The following COL13A1 variants were observed in gnomAD, a reference collection of about 807,000 sequenced individuals.
COL13A1 encodes collagen alpha-1(XIII) chain.
COL13A1 carries 89 observed loss-of-function variants against 130.9 expected under a neutral mutation model. That is an observed-to-expected ratio of 0.68 (90% CI 0.57 to 0.81). The LOEUF (loss-of-function observed/expected upper bound fraction) is 0.81, where lower values mean the gene tolerates loss of function less well. Among genes scored for constraint, COL13A1 ranks in the 30% least tolerant of loss-of-function variants. The probability of loss-of-function intolerance (pLI) is 0.00; values close to 1 mark genes in which losing one functional copy is unlikely to be tolerated. For synonymous variants in COL13A1, 402 were observed against 341.6 expected (o/e 1.18, Z -1.95); for missense variants, 879 against 934.6 (o/e 0.94, Z 0.78).
intron 13 of COL13A1, 110 bp downstream of exon 13, chr10:69,895,686 AG>A: frequency 7.9e-7 from 1 of 1,261,562 alleles, no homozygotes; most frequent in Non-Finnish European, 1.2e-6. Flanking sequence ...ATCATGGGGG[AG>A]CAGGAGCACC....
intron 1 of COL13A1, among the ~76,000 whole-genome samples, chr10:69,814,011 G>T (rs1393125567): frequency 4.6e-5 from 7 of 152,152 alleles, no homozygotes. Context: ...GTTGGAGTGT[G>T]GATTGAGACA....
chr10:69,900,041 G>C (rs560328647), intron 14 of COL13A1, among the ~76,000 whole-genome samples: 1 of 152,110 alleles, frequency 6.6e-6, no homozygotes, highest in Non-Finnish European at 1.5e-5. Context: ...ATCTCATTAC[G>C]CCTGGCCAAA....
rs2062287307 is a variant in COL13A1, at chr10:69,902,465, C to T, written c.751-283C>T. On this transcript the variant is annotated intron_variant, in intron 14 of 40. Transcript: ENST00000645393. ...CAGGGGCTGTCTCCCACCCACTCCTCTGCCTCTGCCCCCCCGCAGAATGTC... is the reference window on the plus strand; with the variant it reads ...CAGGGGCTGTCTCCCACCCACTCCTTTGCCTCTGCCCCCCCGCAGAATGTC... 2.0e-5 allele frequency among the ~76,000 whole-genome samples: 3 copies of T among 152,328 alleles called. No individual in the cohort carries two copies. In the South Asian group the frequency reaches 6.2e-4, roughly 32 times the overall value.
At chr10:69,948,070 A>G (rs750465576) in intron 38 of COL13A1, among the ~76,000 whole-genome samples, 27 of 152,196 alleles carry the variant, frequency 1.8e-4, no homozygotes, top group Admixed American at 1.3e-4. Context: ...CTGCTGCATC[A>G]TGGGGCTTCC....
chr10:69,946,827 C>T (rs1204603525), intron 37 of COL13A1, among the ~76,000 whole-genome samples: 2 of 152,062 alleles, frequency 1.3e-5, no homozygotes, highest in African/African-American at 4.8e-5. Flanking sequence ...CTCACTCTGT[C>T]GCCAGGCTGG....
At chr10:69,894,035 A>T (rs1433493239) in intron 10 of COL13A1, among the ~76,000 whole-genome samples, 1 of 152,196 alleles carries the variant, frequency 6.6e-6, no homozygotes, top group Non-Finnish European at 1.5e-5. Flanking sequence ...TTCCTTGGAG[A>T]AGTCCAGAAC....
chr10:69,905,967 G>A (rs568451253), intron 17 of COL13A1, 145 bp downstream of exon 17: 19 of 873,130 alleles, frequency 2.2e-5, no homozygotes, highest in Admixed American at 1.7e-4. Context: ...CTGGCCCCCC[G>A]AGGGCCTGAT....
chr10:69,955,764 A>G (rs2070551042), intron 39 of COL13A1: 1 of 152,076 alleles, frequency 6.6e-6, no homozygotes. Flanking sequence ...GTAAAATGGC[A>G]TTTTCTTCCA....
intron 24 of COL13A1, among the ~76,000 whole-genome samples, chr10:69,924,742 A>G (rs1194634197): frequency 6.6e-6 from 1 of 152,082 alleles, no homozygotes; most frequent in Non-Finnish European, 1.5e-5. Context: ...GAACAGAAAG[A>G]ACGCCACCGA....
chr10:69,811,735 C>T (rs1843096543), intron 1 of COL13A1, among the ~76,000 whole-genome samples: 1 of 152,128 alleles, frequency 6.6e-6, no homozygotes, highest in African/African-American at 2.4e-5. Flanking sequence ...CTGACTGTTC[C>T]CTGGTAGGAC....
intron 1 of COL13A1, among the ~76,000 whole-genome samples, chr10:69,804,650 CTTTT>C (rs57012318): frequency 7.0e-6 from 1 of 142,340 alleles, no homozygotes; most frequent in African/African-American, 2.6e-5. Context: ...ATCCTGCCAC[CTTTT>C]TTTTTTTTTG....
chr10:69,823,497 G>A (rs1019229725), intron 2 of COL13A1, among the ~76,000 whole-genome samples: 3 of 152,228 alleles, frequency 2.0e-5, no homozygotes, highest in African/African-American at 7.2e-5. Context: ...ACGGTGGCAG[G>A]TGGCACTAGC....
At chr10:69,875,053 G>C (rs2059438705) in intron 4 of COL13A1, 75 bp from the exon 5 acceptor site, 1 of 1,597,008 alleles carries the variant, frequency 6.3e-7, no homozygotes, top group South Asian at 1.1e-5. Context: ...CAGGTGCACA[G>C]TTTGCCTATA....
intron 13 of COL13A1, chr10:69,897,427 C>G: frequency 6.3e-7 from 1 of 1,598,750 alleles, no homozygotes; most frequent in Non-Finnish European, 8.6e-7. Flanking sequence ...TCTCCCCTCA[C>G]GGTCCCTGTC....
At chr10:69,929,621 G>A (rs950225031) in intron 28 of COL13A1, among the ~76,000 whole-genome samples, 9 of 152,170 alleles carry the variant, frequency 5.9e-5, no homozygotes, top group African/African-American at 2.2e-4. Flanking sequence ...CCCAAAGAAG[G>A]GGCTTGGTTT....
rs772144553 is a variant in COL13A1, at chr10:69,925,859, A to G, written c.1385A>G (p.Asn462Ser). 45 of 1,596,620 alleles carry G rather than the reference A, an allele frequency of 2.8e-5. No homozygotes were observed. The highest frequency in any genetic ancestry group is 4.6e-5 in the South Asian group (4 of 87,416). The change falls in exon 26 of 41, where the codon AAT (asparagine) becomes AGT (serine). Residue 462 changes from asparagine (N) to serine (S), a missense_variant. This residue lies in a region of COL13A1 where 715 missense variants were observed against 721.0 expected (regional missense o/e 0.99). Transcript: ENST00000645393. ...GEMVDYNGNI[N>S]EALQEIRTLA... Reference sequence around the variant, plus strand: ...ATGGTGGATTACAATGGAAACATCAATGAGGCTCTCCAGGTGAGCAGGGTC... The same window carrying G: ...ATGGTGGATTACAATGGAAACATCAGTGAGGCTCTCCAGGTGAGCAGGGTC...
intron 2 of COL13A1, among the ~76,000 whole-genome samples, chr10:69,865,571 A>G (rs1365797854): frequency 1.3e-5 from 2 of 152,230 alleles, no homozygotes; most frequent in East Asian, 1.9e-4. Flanking sequence ...TAGCACCTGT[A>G]TAGCTCTTCC....
At chr10:69,938,376 C>A (rs1379145408) in intron 34 of COL13A1, among the ~76,000 whole-genome samples, 1 of 152,140 alleles carries the variant, frequency 6.6e-6, no homozygotes, top group Admixed American at 6.5e-5. Flanking sequence ...CGCATCCCAC[C>A]ACCCTCCCTG....
chr10:69,861,251 G>T (rs1041262059), intron 2 of COL13A1, among the ~76,000 whole-genome samples: 1 of 152,184 alleles, frequency 6.6e-6, no homozygotes, highest in Non-Finnish European at 1.5e-5. Flanking sequence ...AGGCTGCCAG[G>T]TGTGAAGTCC....
Sources: gnomAD v4.1 joint callset for allele counts (sites outside exome capture counted in the v4.1 genomes callset) on GRCh38, gnomAD v4.1.1 for gene constraint, gnomAD v4.1.1 regional missense constraint, MANE v1.5 for transcripts, NCBI Gene and HGNC (gene_info 2026-07-23, HGNC 2026-07-21) for gene names.